COL10A1: variants seen among roughly 807,000 people sequenced by gnomAD.
COL10A1 encodes collagen type X alpha 1 chain.
In COL10A1, 10 loss-of-function variants were observed where a neutral mutation model predicts 18.2. The ratio of observed to expected loss-of-function variants is 0.55; its 90% CI spans 0.34 to 0.93. The LOEUF is 0.93. Ranked by LOEUF, COL10A1 falls within the 40% of genes least tolerant of loss-of-function variation. The probability of loss-of-function intolerance (pLI) is 0.02; values close to 1 mark genes in which losing one functional copy is unlikely to be tolerated. For missense variants in COL10A1, 897 were observed against 853.5 expected, an observed-to-expected ratio of 1.05 and a Z score of -0.64; for synonymous variants, 330 against 316.6, an observed-to-expected ratio of 1.04 and a Z score of -0.45.
At chr6:116,160,557 C>T (rs920647964), upstream of COL10A1, among the ~76,000 whole-genome samples, 1 of 152,064 alleles carries the variant, frequency 6.6e-6, no homozygotes, top group Non-Finnish European at 1.5e-5. Flanking sequence ...AATATTTTCT[C>T]TCATTCTGTA....
chr6:116,140,761 C>A (rs1779744853), intron 1 of COL10A1, among the ~76,000 whole-genome samples: 1 of 152,104 alleles, frequency 6.6e-6, no homozygotes, highest in Admixed American at 6.5e-5. Context: ...CTGCAACTTA[C>A]TTTTTTGATG....
the COL10A1 span, among the ~76,000 whole-genome samples, chr6:116,194,973 TAC>T: frequency 6.6e-6 from 1 of 152,110 alleles, no homozygotes; most frequent in Non-Finnish European, 1.5e-5. Context: ...CTGGAAGATA[TAC>T]AGTGATTATT....
chr6:116,159,931 C>T (rs528298404), upstream of COL10A1, among the ~76,000 whole-genome samples: 4 of 152,252 alleles, frequency 2.6e-5, no homozygotes, highest in East Asian at 7.7e-4. Flanking sequence ...CATGTTGTTG[C>T]AAAGGACACA....
intron 1 of COL10A1, among the ~76,000 whole-genome samples, chr6:116,148,813 G>A (rs1779961680): frequency 1.3e-5 from 2 of 152,094 alleles, no homozygotes; most frequent in African/African-American, 4.8e-5. Context: ...TGGGTTACAG[G>A]TAAGTCATTT....
At chr6:116,135,874 CACACAT>C (rs1779587919) in intron 1 of COL10A1, among the ~76,000 whole-genome samples, 3 of 53,816 alleles carry the variant, frequency 5.6e-5, no homozygotes, top group Non-Finnish European at 1.2e-4. Flanking sequence ...TATATATATA[CACACAT>C]ACACACACAT....
chr6:116,177,743 A>G, the COL10A1 span, among the ~76,000 whole-genome samples: 1 of 152,066 alleles, frequency 6.6e-6, no homozygotes, highest in East Asian at 1.9e-4. Flanking sequence ...TTAAATAATA[A>G]TATTCTAAAA....
At chr6:116,192,955 G>C in the COL10A1 span, among the ~76,000 whole-genome samples, 1 of 152,028 alleles carries the variant, frequency 6.6e-6, no homozygotes, top group African/African-American at 2.4e-5. Flanking sequence ...TCAAAAGCCA[G>C]GATTGTTGCC....
chr6:116,197,449 C>T, the COL10A1 span, among the ~76,000 whole-genome samples: 2 of 151,974 alleles, frequency 1.3e-5, no homozygotes, highest in African/African-American at 2.4e-5. Flanking sequence ...AGAATCTTCC[C>T]GGTCAAGAAT....
At chr6:116,191,421 G>A in the COL10A1 span, among the ~76,000 whole-genome samples, 14 of 152,142 alleles carry the variant, frequency 9.2e-5, no homozygotes, top group African/African-American at 3.4e-4. Context: ...AGATTCACGG[G>A]AAAGAAGAGG....
At chr6:116,195,406 A>G in the COL10A1 span, among the ~76,000 whole-genome samples, 3 of 151,948 alleles carry the variant, frequency 2.0e-5, no homozygotes, top group Non-Finnish European at 4.4e-5. Context: ...TATTAAATTA[A>G]CTTTTTTTTT....
intron 1 of COL10A1, among the ~76,000 whole-genome samples, chr6:116,153,448 A>T (rs541939722): frequency 6.6e-6 from 1 of 152,106 alleles, no homozygotes; most frequent in African/African-American, 2.4e-5. Flanking sequence ...TAGAGTCTCT[A>T]TTCCACTGGA....
At position 116,135,872 on chromosome 6, in the gene COL10A1, T is replaced by TACAC. The variant is rs71554839; in HGVS notation, c.-15-10369_-15-10366dup. On this transcript the variant is annotated intron_variant, in intron 1 of 1. Transcript: ENST00000418500. ...ATATATATATATATATATATATATA[T>TACAC]ACACACATACACACACATTGCTAAA... is the stretch of plus-strand genomic sequence containing the variant. Among the ~76,000 whole-genome samples the TACAC allele has an allele frequency of 1.2e-3, 150 of 121,298 alleles. 3 individuals carry two copies. Among genetic ancestry groups the TACAC allele is most frequent in the African/African-American group, 5.0e-3 (141 of 28,420 alleles). The allele number at this position is 121,298 out of a possible 152,430, so 79.6% of individuals were successfully genotyped here. A position where few individuals can be genotyped will look rare whatever the true frequency, so the allele number is the denominator to read the frequency against.
At chr6:116,184,914 TG>T in the COL10A1 span, among the ~76,000 whole-genome samples, 271 of 152,168 alleles carry the variant, frequency 1.8e-3, 9 homozygotes, top group East Asian at 0.049. Flanking sequence ...TTTCTTCTGC[TG>T]GGTTTGGGTT....
At chr6:116,178,088 T>TGCGC in the COL10A1 span, among the ~76,000 whole-genome samples, 10 of 99,620 alleles carry the variant, frequency 1.0e-4, no homozygotes, top group African/African-American at 4.7e-4. Flanking sequence ...TGTGTGTGTG[T>TGCGC]GCGCGCGCGC....
the COL10A1 span, among the ~76,000 whole-genome samples, chr6:116,181,535 T>A: frequency 6.6e-6 from 1 of 152,036 alleles, no homozygotes; most frequent in Non-Finnish European, 1.5e-5. Context: ...TCTCCAAAGC[T>A]TCACACTCTT....
At chr6:116,148,283 A>G (rs575838912) in intron 1 of COL10A1, among the ~76,000 whole-genome samples, 1 of 152,278 alleles carries the variant, frequency 6.6e-6, no homozygotes, top group Admixed American at 6.5e-5. Context: ...ATGTTGTACC[A>G]AGCATTATCT....
At chr6:116,191,130 A>G in the COL10A1 span, among the ~76,000 whole-genome samples, 1 of 151,624 alleles carries the variant, frequency 6.6e-6, no homozygotes, top group Non-Finnish European at 1.5e-5. Flanking sequence ...AATTTTTTTA[A>G]TGTAGGGTGT....
rs1779038825 is a variant in COL10A1, at chr6:116,119,439, G to T, written c.*634C>A. ...GATGAAAGCACCTTGCATTTCAGAT[G>T]AACTTCAATATTTTGGGGCTTTTTT... is the stretch of plus-strand genomic sequence containing the variant. On this transcript the variant is annotated 3_prime_UTR_variant, in exon 3 of 3. Coordinates refer to ENST00000651968, the MANE Select transcript of COL10A1 (RefSeq NM_000493.4). The T allele has an allele frequency of 6.6e-6, 1 of 152,582 alleles. No homozygotes were observed. Among genetic ancestry groups the T allele is most frequent in the Non-Finnish European group, 1.5e-5 (1 of 68,044 alleles). The allele number at this position is 152,582 out of a possible 1,614,324, so 9.5% of individuals were successfully genotyped here. A position where few individuals can be genotyped will look rare whatever the true frequency, so the allele number is the denominator to read the frequency against.
chr6:116,157,110 T>A (rs1780215003), intron 1 of COL10A1, among the ~76,000 whole-genome samples: 1 of 152,196 alleles, frequency 6.6e-6, no homozygotes, highest in Non-Finnish European at 1.5e-5. Flanking sequence ...CATGGATTAT[T>A]TGGGTATGAG....
Sources: allele counts gnomAD v4.1 joint callset (sites outside exome capture counted in the v4.1 genomes callset), GRCh38; gene constraint gnomAD v4.1.1; transcripts MANE v1.5; gene names NCBI Gene and HGNC (gene_info 2026-07-23, HGNC 2026-07-21).